WDR27: variants seen among roughly 807,000 people sequenced by gnomAD.
WDR27 encodes the protein WD repeat-containing protein 27.
In WDR27, 100 loss-of-function variants were observed where a neutral mutation model predicts 114.4. The observed-to-expected ratio is 0.87, with a 90% CI of 0.74 to 1.03. The LOEUF (loss-of-function observed/expected upper bound fraction) is 1.03, where lower values mean the gene tolerates loss of function less well. WDR27 is among the 50% of genes least tolerant of loss of function. WDR27 has a pLI of 0.00. For missense variants in WDR27, 1,129 were observed against 1,092.9 expected (o/e 1.03, Z -0.47); for synonymous variants, 449 against 423.1 (o/e 1.06, Z -0.75).
chr6:169,624,473 C>T (rs942607501), intron 21 of WDR27, among the ~76,000 whole-genome samples: 9 of 152,140 alleles, frequency 5.9e-5, no homozygotes, highest in Non-Finnish European at 1.2e-4. Context: ...CGTGTCCACT[C>T]GGAACTGCTT....
chr6:169,604,572 G>A (rs1490119228), intron 22 of WDR27, among the ~76,000 whole-genome samples: 1 of 152,108 alleles, frequency 6.6e-6, no homozygotes, highest in African/African-American at 2.4e-5. Flanking sequence ...ATGTCAAGAA[G>A]AAGGGAATGC....
At chr6:169,693,587 G>C (rs1785052465) in intron 1 of WDR27, among the ~76,000 whole-genome samples, 1 of 152,090 alleles carries the variant, frequency 6.6e-6, no homozygotes, top group African/African-American at 2.4e-5. Context: ...GTCTTCAAGA[G>C]ACTCATGTAA....
the WDR27 span, among the ~76,000 whole-genome samples, chr6:169,433,070 T>A: frequency 3.3e-5 from 5 of 152,252 alleles, no homozygotes; most frequent in Non-Finnish European, 7.4e-5. Context: ...GTTGCTATGT[T>A]TTTTGTTTTT....
At chr6:169,699,673 G>A (rs762612477) in intron 1 of WDR27, among the ~76,000 whole-genome samples, 14 of 152,266 alleles carry the variant, frequency 9.2e-5, no homozygotes, top group Non-Finnish European at 1.8e-4. Flanking sequence ...AAAGGACTAA[G>A]GGTAGAATCA....
intron 25 of WDR27, among the ~76,000 whole-genome samples, chr6:169,553,170 C>T (rs1244088751): frequency 6.6e-6 from 1 of 151,840 alleles, no homozygotes; most frequent in African/African-American, 2.4e-5. Flanking sequence ...GCAGCATCCA[C>T]AGGGACTGCG....
intron 25 of WDR27, among the ~76,000 whole-genome samples, chr6:169,513,553 A>T (rs1264126009): frequency 1.3e-5 from 2 of 152,000 alleles, no homozygotes; most frequent in African/African-American, 4.8e-5. Flanking sequence ...TGACACATTT[A>T]CATGGATTCA....
At chr6:169,574,718 C>T (rs1801971187) in intron 24 of WDR27, among the ~76,000 whole-genome samples, 1 of 152,196 alleles carries the variant, frequency 6.6e-6, no homozygotes, top group Admixed American at 6.5e-5. Flanking sequence ...CTGTCCCCAA[C>T]CCTTTCTCAC....
At chr6:169,701,072 T>C (rs1243902248) in intron 1 of WDR27, among the ~76,000 whole-genome samples, 2 of 152,218 alleles carry the variant, frequency 1.3e-5, no homozygotes, top group African/African-American at 2.4e-5. Flanking sequence ...TAATCCCAGA[T>C]AAACTGGAAG....
intron 21 of WDR27, among the ~76,000 whole-genome samples, chr6:169,627,922 C>T (rs923059015): frequency 4.6e-5 from 7 of 152,088 alleles, no homozygotes; most frequent in Non-Finnish European, 1.0e-4. Flanking sequence ...AAGGCCACGG[C>T]GTTCCAGAGA....
intron 2 of WDR27, among the ~76,000 whole-genome samples, chr6:169,687,581 G>A (rs909511302): frequency 6.6e-6 from 1 of 152,122 alleles, no homozygotes; most frequent in Non-Finnish European, 1.5e-5. Flanking sequence ...TGAAGATATG[G>A]TTCAACTGAA....
At chr6:169,454,243 C>T (rs1394772907), downstream of WDR27, among the ~76,000 whole-genome samples, 1 of 151,936 alleles carries the variant, frequency 6.6e-6, no homozygotes, top group Non-Finnish European at 1.5e-5. Flanking sequence ...TATTCAAAAC[C>T]ATTTGCATGT....
chr6:169,645,007 T>A (rs1424580020), intron 16 of WDR27, among the ~76,000 whole-genome samples: 2 of 18,598 alleles, frequency 1.1e-4, no homozygotes, highest in African/African-American at 7.1e-4. Flanking sequence ...AGACTCCGTC[T>A]CAAAAAAAAA....
chr6:169,658,162 G>T, intron 13 of WDR27, 114 bp downstream of exon 13: 1 of 808,822 alleles, frequency 1.2e-6, no homozygotes, highest in Non-Finnish European at 2.1e-6. Context: ...AGGATGGAAG[G>T]AAGTACGGAA....
At chr6:169,655,000 G>A (rs9383514) in intron 13 of WDR27, among the ~76,000 whole-genome samples, 12,751 of 152,250 alleles carry the variant, frequency 0.084, 1,729 homozygotes, top group East Asian at 0.61. Context: ...TCTCTTACTC[G>A]GGTTTTCCCG....
intron 14 of WDR27, among the ~76,000 whole-genome samples, chr6:169,650,925 C>A (rs1250204359): frequency 6.6e-6 from 1 of 152,062 alleles, no homozygotes; most frequent in Non-Finnish European, 1.5e-5. Flanking sequence ...CTGTCCCAGG[C>A]ACAGGGGTTT....
the WDR27 span, among the ~76,000 whole-genome samples, chr6:169,435,965 G>T: frequency 1.3e-5 from 2 of 152,222 alleles, no homozygotes; most frequent in African/African-American, 4.8e-5. Context: ...ATACACCAGT[G>T]AATTTATATT....
intron 23 of WDR27, among the ~76,000 whole-genome samples, chr6:169,583,169 T>C (rs958004992): frequency 3.3e-5 from 5 of 152,094 alleles, no homozygotes; most frequent in Admixed American, 6.6e-5. Flanking sequence ...TGTCATACTT[T>C]CTATTTACTA....
chr6:169,649,301 C>A, intron 14 of WDR27, 26 bp from the exon 15 acceptor site: 1 of 1,529,212 alleles, frequency 6.5e-7, no homozygotes, highest in Non-Finnish European at 8.9e-7. Flanking sequence ...TCTAATATCA[C>A]TCTCAAATAT....
chr6:169,657,114 C>T (rs1198476435), intron 13 of WDR27, among the ~76,000 whole-genome samples: 1 of 152,194 alleles, frequency 6.6e-6, no homozygotes, highest in African/African-American at 2.4e-5. Flanking sequence ...GCTGGAAACC[C>T]CCAGCAGCAG....
Sources: allele counts gnomAD v4.1 joint callset (sites outside exome capture counted in the v4.1 genomes callset), GRCh38; gene constraint gnomAD v4.1.1; transcripts MANE v1.5; gene names NCBI Gene and HGNC (gene_info 2026-07-23, HGNC 2026-07-21).